Variants in SORCS3 observed in about 807,000 individuals in gnomAD.
SORCS3 encodes sortilin related VPS10 domain containing receptor 3, also known as VPS10 domain-containing receptor SorCS3.
SORCS3 carries 57 observed loss-of-function variants against 146.3 expected under a neutral mutation model. The ratio of observed to expected loss-of-function variants is 0.39; its 90% CI spans 0.31 to 0.49. The LOEUF (loss-of-function observed/expected upper bound fraction) is 0.49. Among genes scored for constraint, SORCS3 ranks in the 20% least tolerant of loss-of-function variants. SORCS3 has a pLI of 0.92. For missense variants in SORCS3, 1,341 were observed against 1,575.5 expected (o/e 0.85, Z 2.52); for synonymous variants, 653 against 618.5 (o/e 1.06, Z -0.83).
intron 3 of SORCS3, among the ~76,000 whole-genome samples, chr10:104,936,217 ATATG>A (rs1449700488): frequency 6.6e-6 from 1 of 152,220 alleles, no homozygotes; most frequent in African/African-American, 2.4e-5. Context: ...GCTATTCATT[ATATG>A]TATGTTTAAA....
Position 104,908,889 on chromosome 10 carries a change from C to A in SORCS3, c.696-6944C>A, listed in dbSNP as rs530966468. Among the ~76,000 whole-genome samples the A allele has an allele frequency of 1.1e-4, 17 of 152,218 alleles. No individual in the cohort carries two copies. In the South Asian group the frequency reaches 3.1e-3, roughly 28 times the overall value. On this transcript the variant is annotated intron_variant, in intron 2 of 26. Coordinates refer to ENST00000369701, the MANE Select transcript of SORCS3 (RefSeq NM_014978.3). ...ATGGTAAAGCAAAGCAGGTAAACTA[C>A]GAAGGCCTTGAATGCCAGACAGAGG...
rs75551800 is a variant in SORCS3, at chr10:104,769,070, T to G, written c.628-73722T>G. ...CTCCCACCACTCTATCTTCCAAACC[T>G]TCCACCTCTCCTGTTTTCATGAGTG... On this transcript the variant is annotated intron_variant, in intron 1 of 26. Coordinates refer to ENST00000369701, the MANE Select transcript of SORCS3 (RefSeq NM_014978.3). Among the ~76,000 whole-genome samples the G allele has an allele frequency of 8.8e-3, 1,344 of 152,282 alleles. 16 individuals carry two copies. Among genetic ancestry groups the G allele is most frequent in the African/African-American group, 0.031 (1,275 of 41,550 alleles).
intron 3 of SORCS3, among the ~76,000 whole-genome samples, chr10:104,916,580 A>C (rs1018196827): frequency 1.3e-5 from 2 of 152,140 alleles, no homozygotes; most frequent in Non-Finnish European, 2.9e-5. Flanking sequence ...TGAGAGGAGG[A>C]GGCCTGGATT....
intron 1 of SORCS3, among the ~76,000 whole-genome samples, chr10:104,780,628 T>C (rs987635925): frequency 1.3e-5 from 2 of 152,262 alleles, no homozygotes; most frequent in Non-Finnish European, 2.9e-5. Context: ...TGTGAGCTGC[T>C]GAGGTATGAA....
intron 1 of SORCS3, among the ~76,000 whole-genome samples, chr10:104,712,604 C>T (rs899536317): frequency 4.6e-5 from 7 of 152,244 alleles, no homozygotes; most frequent in South Asian, 4.1e-4. Context: ...AGCCTGGCAG[C>T]GTGTTCCTTG....
chr10:104,867,461 C>A (rs922338105), intron 2 of SORCS3, among the ~76,000 whole-genome samples: 1 of 152,106 alleles, frequency 6.6e-6, no homozygotes, highest in South Asian at 2.1e-4. Flanking sequence ...AGGTGCCCAC[C>A]ACCACGCCCG....
intron 7 of SORCS3, among the ~76,000 whole-genome samples, chr10:105,131,416 T>G (rs575502027): frequency 6.6e-6 from 1 of 152,260 alleles, no homozygotes; most frequent in African/African-American, 2.4e-5. Context: ...AGCTTCCACA[T>G]GTCATTTCTT....
intron 4 of SORCS3, among the ~76,000 whole-genome samples, chr10:105,012,352 A>G (rs1158570740): frequency 1.3e-5 from 2 of 152,206 alleles, no homozygotes; most frequent in Non-Finnish European, 1.5e-5. Flanking sequence ...AAGGAAAATC[A>G]TGGTAAGGAG....
intron 1 of SORCS3, among the ~76,000 whole-genome samples, chr10:104,839,162 A>G (rs1024949450): frequency 6.6e-5 from 10 of 152,364 alleles, no homozygotes; most frequent in Admixed American, 2.0e-4. Context: ...AGGAGACAGA[A>G]GTACTAAACA....
At chr10:104,730,537 A>G (rs1305330246) in intron 1 of SORCS3, among the ~76,000 whole-genome samples, 1 of 151,972 alleles carries the variant, frequency 6.6e-6, no homozygotes, top group African/African-American at 2.4e-5. Flanking sequence ...CCCTGCTTCT[A>G]CCTCCCGCTT....
At chr10:105,014,023 T>G (rs990601970) in intron 4 of SORCS3, among the ~76,000 whole-genome samples, 8 of 148,492 alleles carry the variant, frequency 5.4e-5, no homozygotes, top group Non-Finnish European at 1.2e-4. Context: ...ATGGGAAAAT[T>G]GACAAATGGT....
chr10:105,187,124 T>G (rs1046250035), intron 14 of SORCS3, among the ~76,000 whole-genome samples: 6 of 152,152 alleles, frequency 3.9e-5, no homozygotes, highest in African/African-American at 1.4e-4. Flanking sequence ...CTAGGATGAT[T>G]TATTTTTATT....
intron 2 of SORCS3, among the ~76,000 whole-genome samples, chr10:104,858,918 G>A (rs554157038): frequency 1.4e-5 from 2 of 140,142 alleles, no homozygotes; most frequent in African/African-American, 5.4e-5. Context: ...ACCGCACCTG[G>A]CCTGAGAAGT....
At chr10:104,658,761 C>T (rs1448122880) in intron 1 of SORCS3, among the ~76,000 whole-genome samples, 1 of 152,122 alleles carries the variant, frequency 6.6e-6, no homozygotes, top group East Asian at 1.9e-4. Flanking sequence ...TGATAGCTTA[C>T]AATTGTTACC....
intron 5 of SORCS3, among the ~76,000 whole-genome samples, chr10:105,052,390 T>C (rs2055419391): frequency 6.6e-6 from 1 of 152,158 alleles, no homozygotes; most frequent in Admixed American, 6.6e-5. Flanking sequence ...TTCCAAATAC[T>C]TATTCCACCC....
chr10:104,772,379 T>G (rs532713109), intron 1 of SORCS3, among the ~76,000 whole-genome samples: 4 of 152,294 alleles, frequency 2.6e-5, no homozygotes, highest in African/African-American at 9.6e-5. Context: ...GCATTGATCC[T>G]AGGGGCCAGC....
rs114303567 is a variant in SORCS3 at position 105,223,234 on chromosome 10, C to A, written c.2853C>A (p.Phe951Leu). ...GGACCCTTACCTATTTCTGGTGGTTCGGCAATAGCACAAAGGTTTGGCCCT... is the reference window on the plus strand; with the variant it reads ...GGACCCTTACCTATTTCTGGTGGTTAGGCAATAGCACAAAGGTTTGGCCCT... ...QLGTLTYFWW[F>L]GNSTKPLITL... is the part of the protein sequence containing the mutation. Residue 951 changes from phenylalanine to leucine, a missense_variant, in exon 20 of 27, where the codon TTC becomes TTA. Transcript: ENST00000369701. 10 of 1,611,142 alleles carry A rather than the reference C, an allele frequency of 6.2e-6. No homozygotes were observed. The highest frequency in any genetic ancestry group is 7.6e-6 in the Non-Finnish European group (9 of 1,177,972).
intron 3 of SORCS3, among the ~76,000 whole-genome samples, chr10:104,964,469 T>C (rs2054815493): frequency 6.6e-6 from 1 of 152,184 alleles, no homozygotes; most frequent in Non-Finnish European, 1.5e-5. Context: ...TACTTATTTG[T>C]CTATCTGTTG....
chr10:104,642,011 G>T, intron 1 of SORCS3, 57 bp downstream of exon 1: 12 of 1,419,540 alleles, frequency 8.5e-6, no homozygotes, highest in Non-Finnish European at 1.1e-5. Context: ...GGGGAATGGG[G>T]GGGTGGGTGG....
Sources: gnomAD v4.1 joint callset for allele counts (sites outside exome capture counted in the v4.1 genomes callset) on GRCh38, gnomAD v4.1.1 for gene constraint, MANE v1.5 for transcripts, NCBI Gene and HGNC (gene_info 2026-07-23, HGNC 2026-07-21) for gene names.